Variants in KDM2B observed in about 807,000 individuals in gnomAD.
KDM2B encodes lysine-specific demethylase 2B.
In KDM2B, 26 loss-of-function variants were observed where a neutral mutation model predicts 150.0. The ratio of observed to expected loss-of-function variants is 0.17; its 90% CI spans 0.13 to 0.24. KDM2B has a LOEUF of 0.24. Among genes scored for constraint, KDM2B ranks in the 10% least tolerant of loss-of-function variants. KDM2B has a pLI of 1.00. For synonymous variants in KDM2B, 734 were observed against 729.5 expected (o/e 1.01, Z -0.10); for missense variants, 1,265 against 1,816.9 (o/e 0.70, Z 5.52).
chr12:121,448,021 T>TA (rs111283460), intron 13 of KDM2B, among the ~76,000 whole-genome samples: 7,013 of 151,594 alleles, frequency 0.046, 536 homozygotes, highest in African/African-American at 0.16. Context: ...ATTTAAAATC[T>TA]AAAAAAAAAT....
intron 12 of KDM2B, among the ~76,000 whole-genome samples, chr12:121,472,004 T>C (rs1593866802): frequency 6.6e-6 from 1 of 152,096 alleles, no homozygotes. Context: ...GTGCCTATAA[T>C]CCCAGCTACT....
Position 121,443,697 on chromosome 12 carries a change from T to C in KDM2B, c.2548A>G (p.Thr850Ala), listed in dbSNP as rs782028156. 9 of 1,610,130 alleles carry C rather than the reference T, an allele frequency of 5.6e-6. No individual in the cohort carries two copies. Among genetic ancestry groups the C allele is most frequent in the South Asian group, 1.1e-5 (1 of 91,030 alleles). The change falls in exon 17 of 23, where the codon ACT becomes GCT. Residue 850 changes from threonine (T) to alanine (A), a missense_variant. Thr to Ala is a moderately conservative substitution (Grantham distance 58). Around this residue, in one of 11 missense-constraint regions of KDM2B, gnomAD observed 418 missense variants for 402.4 expected, o/e 1.04. Coordinates refer to ENST00000377071, the MANE Select transcript of KDM2B (RefSeq NM_032590.5). The stretch of plus-strand genomic sequence containing the variant: ...GGGAGCACCTGCTGCTGGAAGTAAG[T>C]GAGACTGGATCTCCACCAGGGGCTG... Reference protein sequence around the residue: ...SLSPWWRSSLTYFQQQLKPGK... With the variant: ...SLSPWWRSSLAYFQQQLKPGK...
At chr12:121,574,662 G>T in intron 3 of KDM2B, 69 bp from the exon 4 acceptor site, 4 of 1,399,896 alleles carry the variant, frequency 2.9e-6, no homozygotes, top group Non-Finnish European at 4.0e-6. Context: ...CCCTGGGCCC[G>T]GGGGGAAGCC....
Position 121,452,518 on chromosome 12 carries a change from G to A in KDM2B, c.1959+602C>T, listed in dbSNP as rs549969222. 5.9e-5 allele frequency among the ~76,000 whole-genome samples: 9 copies of A among 152,340 alleles called. No homozygotes were observed. The East Asian group carries it at 1.4e-3, about 23-fold the overall frequency. ...CACAGGGAGGACCGCCGGCCCCCGG[G>A]GAGCAGCGCCCTGAGGAAGGCAGAG... On this transcript the variant is annotated intron_variant, in intron 13 of 22. Transcript: ENST00000377071. This position sits in a 1 kb window ranked among gnomAD's most constrained non-coding sequence, Gnocchi z 4.4.
At chr12:121,444,767 G>A in intron 14 of KDM2B, 2 of 579,850 alleles carry the variant, frequency 3.4e-6, no homozygotes, top group South Asian at 2.0e-5. Flanking sequence ...GGGACCCTGG[G>A]CAAGACACTC....
chr12:121,540,917 T>C (rs1373890606), intron 6 of KDM2B, among the ~76,000 whole-genome samples: 2 of 150,342 alleles, frequency 1.3e-5, no homozygotes, highest in East Asian at 4.0e-4. Flanking sequence ...GACCCCTACA[T>C]TGTAGAAGAA....
At chr12:121,567,834 T>C (rs1890818864) in intron 4 of KDM2B, among the ~76,000 whole-genome samples, 1 of 149,102 alleles carries the variant, frequency 6.7e-6, no homozygotes, top group Admixed American at 6.8e-5. Context: ...GTTCAAGCAA[T>C]TCTCCTGCCT....
chr12:121,433,032 G>C (rs1202736562), intron 22 of KDM2B: 44 of 422,504 alleles, frequency 1.0e-4, no homozygotes, highest in Non-Finnish European at 9.8e-5. Flanking sequence ...CGGTGGTAAG[G>C]CAGCACTTGG....
In KDM2B at chr12:121,521,242, C is replaced by T; in HGVS notation, c.932-142G>A. The T allele has an allele frequency of 1.6e-6, 1 of 607,748 alleles. No homozygotes were observed. The highest frequency in any genetic ancestry group is 1.8e-5 in the South Asian group (1 of 54,190). 37.6% of individuals were successfully genotyped at this position (607,748 alleles called of 1,614,324 possible). A position where few individuals can be genotyped will look rare whatever the true frequency, so the allele number is the denominator to read the frequency against. ...CAGCCAGGGCCTGGGGCAGCGGCGC[C>T]CAGCAATGCCTGCTGCACAACGCCC... On this transcript the variant is annotated intron_variant, in intron 8 of 22. Transcript: ENST00000377071. This position sits in a 1 kb window ranked among gnomAD's most constrained non-coding sequence, Gnocchi z 4.9.
intron 22 of KDM2B, among the ~76,000 whole-genome samples, chr12:121,435,114 A>G (rs1267913992): frequency 6.6e-6 from 1 of 151,696 alleles, no homozygotes; most frequent in Non-Finnish European, 1.5e-5. Flanking sequence ...CAGGAGGACT[A>G]CTTGAGCCCA....
chr12:121,556,571 C>A (rs1176886327), intron 4 of KDM2B, among the ~76,000 whole-genome samples: 1 of 152,178 alleles, frequency 6.6e-6, no homozygotes, highest in Non-Finnish European at 1.5e-5. Context: ...TCCAACCCAG[C>A]TGGGCACCAT....
At chr12:121,424,448 G>A (rs1872409429), downstream of KDM2B, 1 of 152,296 alleles carries the variant, frequency 6.6e-6, no homozygotes, top group South Asian at 2.1e-4. Flanking sequence ...ATGTCACATG[G>A]GGGCCGGGTG....
the KDM2B span, among the ~76,000 whole-genome samples, chr12:121,422,763 C>T: frequency 6.6e-6 from 1 of 152,178 alleles, no homozygotes; most frequent in Non-Finnish European, 1.5e-5. Flanking sequence ...TTCTTATTCA[C>T]AGACTGGATT....
chr12:121,576,481 A>G (rs1191176681), intron 2 of KDM2B, among the ~76,000 whole-genome samples: 1 of 152,198 alleles, frequency 6.6e-6, no homozygotes, highest in Non-Finnish European at 1.5e-5. Flanking sequence ...ATTCTGCTGT[A>G]GCCATCACAG....
chr12:121,494,857 G>A (rs544129785), intron 11 of KDM2B, among the ~76,000 whole-genome samples, 192 bp from the exon 12 acceptor site: 43 of 152,128 alleles, frequency 2.8e-4, no homozygotes, highest in African/African-American at 8.4e-4. Flanking sequence ...AACACACAAC[G>A]TTCCCCTCTG....
chr12:121,510,155 A>G, intron 10 of KDM2B, 116 bp from the exon 11 acceptor site: 1 of 891,120 alleles, frequency 1.1e-6, no homozygotes, highest in South Asian at 1.7e-5. Context: ...TTCTCTAACA[A>G]TCCTAATGGT....
intron 12 of KDM2B, among the ~76,000 whole-genome samples, chr12:121,481,040 G>A (rs782602366): frequency 6.6e-6 from 1 of 150,574 alleles, no homozygotes; most frequent in Non-Finnish European, 1.5e-5. Flanking sequence ...CGATTCTCCT[G>A]CCTCAGCTTC....
chr12:121,514,003 C>T (rs1555304481), intron 9 of KDM2B, among the ~76,000 whole-genome samples: 2 of 152,152 alleles, frequency 1.3e-5, no homozygotes, highest in Admixed American at 1.3e-4. Flanking sequence ...CCTGCTCCTC[C>T]CCACACCCGT....
At chr12:121,411,085 C>T in the KDM2B span, among the ~76,000 whole-genome samples, 79 of 152,204 alleles carry the variant, frequency 5.2e-4, no homozygotes, top group Non-Finnish European at 9.4e-4. Context: ...AGGCACATGC[C>T]ACCACACCTG....
Sources: allele counts gnomAD v4.1 joint callset (sites outside exome capture counted in the v4.1 genomes callset), GRCh38; gene constraint gnomAD v4.1.1; regional missense constraint gnomAD v4.1.1; non-coding constraint Gnocchi (gnomAD v3.1); transcripts MANE v1.5; gene names NCBI Gene and HGNC (gene_info 2026-07-23, HGNC 2026-07-21).